Variants in NBEAL1 observed in about 807,000 individuals in gnomAD.
NBEAL1 encodes neurobeachin like 1.
In NBEAL1, 273 loss-of-function variants were observed where a neutral mutation model predicts 351.3. The observed-to-expected ratio is 0.78, with a 90% CI of 0.70 to 0.86. The LOEUF is 0.86. Ranked by LOEUF, NBEAL1 falls within the 40% of genes least tolerant of loss-of-function variation. NBEAL1 has a pLI of 0.00. For synonymous variants in NBEAL1, 1,050 were observed against 1,086.4 expected, an observed-to-expected ratio of 0.97 and a Z score of 0.66; for missense variants, 2,961 against 3,201.3, an observed-to-expected ratio of 0.92 and a Z score of 1.81.
intron 7 of NBEAL1, among the ~76,000 whole-genome samples, chr2:203,071,734 C>CATT (rs2061685737): frequency 6.6e-6 from 1 of 152,074 alleles, no homozygotes; most frequent in Non-Finnish European, 1.5e-5. Flanking sequence ...CCTGTGAAAA[C>CATT]AAATAAGTTA....
intron 7 of NBEAL1, among the ~76,000 whole-genome samples, chr2:203,070,392 A>G (rs1309007884): frequency 9.7e-6 from 1 of 102,770 alleles, no homozygotes; most frequent in Non-Finnish European, 1.9e-5. Context: ...GAAACAGGGT[A>G]TTGCTCTGTT....
In NBEAL1 at chr2:203,127,761, T is replaced by G. The variant is rs1020967689; in HGVS notation, c.3249-20T>G. 1 of 1,449,306 alleles carries G rather than the reference T, an allele frequency of 6.9e-7. No homozygotes were observed. The highest frequency in any genetic ancestry group is 9.4e-7 in the Non-Finnish European group (1 of 1,062,330). The allele number at this position is 1,449,306 out of a possible 1,614,324, so 89.8% of individuals were successfully genotyped here. A position where few individuals can be genotyped will look rare whatever the true frequency, so the allele number is the denominator to read the frequency against. ...GTAAAAATTAAAATTTCAATTCTTA[T>G]ACTTTGTTTTGTCTTTCAGGAATGG... On this transcript the variant is annotated intron_variant, in intron 23 of 55. Transcript: ENST00000683969.
intron 8 of NBEAL1, among the ~76,000 whole-genome samples, chr2:203,082,848 A>G (rs1406682613): frequency 1.3e-5 from 2 of 152,196 alleles, no homozygotes; most frequent in African/African-American, 2.4e-5. Flanking sequence ...TCTTCATGAT[A>G]TAAAGGTGGC....
At position 203,113,045 on chromosome 2, in the gene NBEAL1, G is replaced by A. The variant is rs1409960946; in HGVS notation, c.2233G>A (p.Gly745Arg). The change falls in exon 17 of 56, where the codon GGG (glycine) becomes AGG (arginine). Residue 745 changes from glycine to arginine, a missense_variant. Physicochemically the swap from Gly to Arg is moderately radical, Grantham distance 125. Transcript: ENST00000683969. ...PFTSCCIGSA[G>R]QRTTTPPPSQ... ...TACTTCCTGTTGCATTGGTTCAGCT[G>A]GGCAAAGAACCACCACTCCTCCACC... is the stretch of plus-strand genomic sequence containing the variant. 2 of 1,518,172 alleles carry A rather than the reference G, an allele frequency of 1.3e-6. No homozygotes were observed. The highest frequency in any genetic ancestry group is 4.4e-5 in the Admixed American group (2 of 45,100). 94.0% of individuals were successfully genotyped at this position (1,518,172 alleles called of 1,614,324 possible).
At chr2:203,165,584 A>G (rs968046632) in intron 36 of NBEAL1, among the ~76,000 whole-genome samples, 1 of 152,170 alleles carries the variant, frequency 6.6e-6, no homozygotes, top group African/African-American at 2.4e-5. Context: ...ACTGTGTTTT[A>G]TTATAATGGG....
At chr2:203,131,408 G>A (rs1416856996) in intron 25 of NBEAL1, among the ~76,000 whole-genome samples, 1 of 152,070 alleles carries the variant, frequency 6.6e-6, no homozygotes, top group African/African-American at 2.4e-5. Context: ...TAGAGACAGG[G>A]TTTCACTATG....
chr2:203,217,525 T>G lies in NBEAL1; in HGVS notation c.*171T>G, dbSNP rs1174100245. 2.5e-6 allele frequency: 3 copies of G among 1,213,572 alleles called. No individual in the cohort carries two copies. Among genetic ancestry groups the G allele is most frequent in the Non-Finnish European group, 3.1e-6 (3 of 974,762 alleles). The allele number at this position is 1,213,572 out of a possible 1,614,324, so 75.2% of individuals were successfully genotyped here. A position where few individuals can be genotyped will look rare whatever the true frequency, so the allele number is the denominator to read the frequency against. ...AACTAATTCTTGGTCTATACTAAGA[T>G]GTATTTGAGAAAATACATTTGATTT... On this transcript the variant is annotated 3_prime_UTR_variant, in exon 56 of 56. Transcript: ENST00000683969.
Position 203,049,842 on chromosome 2 carries a change from C to A in NBEAL1, c.172C>A (p.Leu58Met), listed in dbSNP as rs1339856579. The A allele has an allele frequency of 3.9e-6, 6 of 1,553,272 alleles. No individual in the cohort carries two copies. Among genetic ancestry groups the A allele is most frequent in the Middle Eastern group, 1.7e-4 (1 of 6,012 alleles). Residue 58 changes from leucine (L) to methionine (M), a missense_variant, in exon 4 of 56, where the codon CTG (leucine) becomes ATG (methionine). Physicochemically the swap from Leu to Met is conservative, Grantham distance 15. Transcript: ENST00000683969. ...RVDDMPPGIS[L>M]LPDNILQVLR... is the part of the protein sequence containing the mutation. ...AGATGATATGCCTCCAGGAATATCT[C>A]TGCTTCCTGATAATATTCTGCAGGT...
rs1209155879 is a variant in NBEAL1 at position 203,110,770 on chromosome 2, T to TC, written c.2082+488_2082+489insC. Among the ~76,000 whole-genome samples, 1,091 of 142,018 alleles carry TC rather than the reference T, an allele frequency of 7.7e-3. 5 individuals carry two copies. Among genetic ancestry groups the TC allele is most frequent in the Non-Finnish European group, 0.012 (784 of 64,680 alleles). The allele number at this position is 142,018 out of a possible 152,430, so 93.2% of individuals were successfully genotyped here. A position where few individuals can be genotyped will look rare whatever the true frequency, so the allele number is the denominator to read the frequency against. ...CTATAAGTAAATTTTCTTTTTTCTT[T>TC]TTTTTTTTTTTTTTGAGATAGAGTC... is the stretch of plus-strand genomic sequence containing the variant. On this transcript the variant is annotated intron_variant, in intron 15 of 55. Coordinates refer to ENST00000683969, the MANE Select transcript of NBEAL1 (RefSeq NM_001378026.1).
At position 203,209,355 on chromosome 2, in the gene NBEAL1, C is replaced by T. The variant is rs534433739; in HGVS notation, c.7785+33C>T. 4.0e-6 allele frequency: 6 copies of T among 1,512,658 alleles called. No individual in the cohort carries two copies. In the East Asian group the frequency reaches 9.1e-5, roughly 23 times the overall value. The allele number at this position is 1,512,658 out of a possible 1,614,324, so 93.7% of individuals were successfully genotyped here. On this transcript the variant is annotated intron_variant, in intron 53 of 55. Coordinates refer to ENST00000683969, the MANE Select transcript of NBEAL1 (RefSeq NM_001378026.1). ...ACCTTTCATGCAATAGAGGTAGACT[C>T]CCAATAGCATATCTTTCCCTCCCCA...
intron 55 of NBEAL1, among the ~76,000 whole-genome samples, chr2:203,215,942 C>T (rs186996758): frequency 9.0e-5 from 13 of 144,170 alleles, no homozygotes; most frequent in Non-Finnish European, 1.8e-4. Context: ...GCCCAGGAGG[C>T]AGAGGTTGCA....
At chr2:203,157,666 T>C in intron 35 of NBEAL1, 33 bp from the exon 36 acceptor site, 1 of 1,508,238 alleles carries the variant, frequency 6.6e-7, no homozygotes. Flanking sequence ...GTTTTTTACT[T>C]TATGTTTAAT....
chr2:203,116,789 CAAAA>C (rs34559564), intron 18 of NBEAL1, among the ~76,000 whole-genome samples: 5 of 100,656 alleles, frequency 5.0e-5, no homozygotes, highest in South Asian at 7.7e-4. Flanking sequence ...GACCCTGTCT[CAAAA>C]AAAAAAAAAA....
intron 2 of NBEAL1, among the ~76,000 whole-genome samples, chr2:203,024,442 CA>C (rs1160216359): frequency 6.6e-6 from 1 of 151,230 alleles, no homozygotes; most frequent in East Asian, 1.9e-4. Flanking sequence ...CCTGTAATCG[CA>C]GCTACTTAGG....
chr2:203,145,072 C>T lies in NBEAL1; in HGVS notation c.5216C>T (p.Ala1739Val). The change falls in exon 33 of 56, where the codon GCA becomes GTA. Residue 1739 changes from alanine (A) to valine (V), a missense_variant. Physicochemically the swap from Ala to Val is moderately conservative, Grantham distance 64 (BLOSUM62 0). Coordinates refer to ENST00000683969, the MANE Select transcript of NBEAL1 (RefSeq NM_001378026.1). ...HTFYDGHENMALYWKDCYEAL... is the reference protein window; with the variant it reads ...HTFYDGHENMVLYWKDCYEAL... ...TTTTACGATGGTCATGAGAACATGG[C>T]ACTTTATTGGAAGGATTGTTATGAA... is the stretch of plus-strand genomic sequence containing the variant. The T allele has an allele frequency of 6.2e-7, 1 of 1,612,792 alleles. No individual in the cohort carries two copies. Among genetic ancestry groups the T allele is most frequent in the Non-Finnish European group, 8.5e-7 (1 of 1,179,334 alleles).
intron 36 of NBEAL1, 92 bp from the exon 37 acceptor site, chr2:203,166,057 A>G: frequency 1.6e-6 from 2 of 1,235,826 alleles, no homozygotes; most frequent in Non-Finnish European, 1.1e-6. Context: ...AAAAAAGAAA[A>G]AAAAGAGATT....
rs1418686927 is a variant in NBEAL1 at position 203,126,053 on chromosome 2, A to G, written c.2945A>G (p.His982Arg). The change falls in exon 21 of 56, where the codon CAC (histidine) becomes CGC (arginine). Residue 982 changes from histidine (H) to arginine (R), a missense_variant. By Grantham distance (29) the His-to-Arg change is conservative. Coordinates refer to ENST00000683969, the MANE Select transcript of NBEAL1 (RefSeq NM_001378026.1). ...RHPINQGNLI[H>R]SHGVATLGAL... Reference sequence around the variant, plus strand: ...CCTATCAACCAGGGCAATCTTATTCACTCCCATGGAGTTGCAACTCTTGGT... The same window carrying G: ...CCTATCAACCAGGGCAATCTTATTCGCTCCCATGGAGTTGCAACTCTTGGT... 2 of 1,543,228 alleles carry G rather than the reference A, an allele frequency of 1.3e-6. No individual in the cohort carries two copies. Among genetic ancestry groups the G allele is most frequent in the Admixed American group, 4.1e-5 (2 of 49,076 alleles).
intron 42 of NBEAL1, among the ~76,000 whole-genome samples, chr2:203,176,663 C>T (rs1281033602): frequency 3.4e-5 from 5 of 147,148 alleles, no homozygotes; most frequent in Admixed American, 6.9e-5. Context: ...ACATGGGAGG[C>T]GGAGGTTGCA....
Position 203,217,590 on chromosome 2 carries a change from T to C in NBEAL1, c.*236T>C. On this transcript the variant is annotated 3_prime_UTR_variant, in exon 56 of 56. Transcript: ENST00000683969. ...TTCCTAAAGGTCATTGTATCCATTT[T>C]TAAAACAAACTAAAATGAGAACATT... The C allele has an allele frequency of 9.1e-7, 1 of 1,099,010 alleles. No individual in the cohort carries two copies. Among genetic ancestry groups the C allele is most frequent in the Non-Finnish European group, 1.1e-6 (1 of 896,204 alleles). 68.1% of individuals were successfully genotyped at this position (1,099,010 alleles called of 1,614,324 possible). A position where few individuals can be genotyped will look rare whatever the true frequency, so the allele number is the denominator to read the frequency against.
Sources: allele counts gnomAD v4.1 joint callset (sites outside exome capture counted in the v4.1 genomes callset), GRCh38; gene constraint gnomAD v4.1.1; transcripts MANE v1.5; gene names NCBI Gene and HGNC (gene_info 2026-07-23, HGNC 2026-07-21).